The following ST3GAL3 variants were observed in gnomAD, a reference collection of about 807,000 sequenced individuals.
ST3GAL3 encodes the protein ST3 beta-galactoside alpha-2,3-sialyltransferase 3.
In ST3GAL3, 21 loss-of-function variants were observed where a neutral mutation model predicts 50.1. The ratio of observed to expected loss-of-function variants is 0.42; its 90% CI spans 0.30 to 0.60. The LOEUF (loss-of-function observed/expected upper bound fraction) is 0.60, where lower values mean the gene tolerates loss of function less well. Ranked by LOEUF, ST3GAL3 falls within the 20% of genes least tolerant of loss-of-function variation. The pLI is 0.19. For missense variants in ST3GAL3, 353 were observed against 489.4 expected (o/e 0.72, Z 2.63); for synonymous variants, 183 against 190.0 (o/e 0.96, Z 0.30).
At chr1:43,738,492 GT>G (rs932716360) in intron 2 of ST3GAL3, 5 of 142,966 alleles carry the variant, frequency 3.5e-5, no homozygotes, top group Non-Finnish European at 6.2e-5. Flanking sequence ...GGTCCTCTTT[GT>G]TTTTTTTTTG....
intron 2 of ST3GAL3, among the ~76,000 whole-genome samples, chr1:43,765,439 G>A (rs1432302582): frequency 1.3e-5 from 2 of 152,282 alleles, no homozygotes; most frequent in East Asian, 1.9e-4. Context: ...AGGAGGCCAC[G>A]TAGCCCTCAC....
intron 5 of ST3GAL3, chr1:43,851,086 G>T: frequency 1.1e-6 from 1 of 903,596 alleles, no homozygotes; most frequent in Non-Finnish European, 1.9e-6. Flanking sequence ...ATTCTCATCT[G>T]CAGTTTTTCT....
chr1:43,926,491 G>T (rs1244497073), intron 11 of ST3GAL3, among the ~76,000 whole-genome samples: 1 of 151,808 alleles, frequency 6.6e-6, no homozygotes, highest in Non-Finnish European at 1.5e-5. Context: ...CGGGAGGCTG[G>T]GGCAGGAGAA....
chr1:43,838,114 CAAAA>C (rs56058853), intron 4 of ST3GAL3, 101 bp from the exon 5 acceptor site: 30 of 357,778 alleles, frequency 8.4e-5, no homozygotes, highest in Non-Finnish European at 8.3e-5. Context: ...GACTCCGTCT[CAAAA>C]AAAAAAAAAA....
chr1:43,816,212 A>G (rs2061227884), intron 4 of ST3GAL3, among the ~76,000 whole-genome samples: 1 of 152,156 alleles, frequency 6.6e-6, no homozygotes, highest in Non-Finnish European at 1.5e-5. Flanking sequence ...GTTGACTCTG[A>G]TGACGATGGC....
intron 5 of ST3GAL3, among the ~76,000 whole-genome samples, chr1:43,885,252 A>G (rs1253731941): frequency 1.3e-5 from 2 of 152,050 alleles, no homozygotes; most frequent in Non-Finnish European, 2.9e-5. Context: ...TGTGAGAGAC[A>G]CAGGGGTCAG....
chr1:43,885,433 CGCGTGCCGGGGT>C (rs2075818978), intron 5 of ST3GAL3, among the ~76,000 whole-genome samples: 1 of 152,012 alleles, frequency 6.6e-6, no homozygotes, highest in African/African-American at 2.4e-5. Flanking sequence ...GAGGCTGCCT[CGCGTGCCGGGGT>C]GCTGGCGGGG....
intron 2 of ST3GAL3, among the ~76,000 whole-genome samples, chr1:43,789,689 G>A (rs1310501524): frequency 6.6e-6 from 1 of 152,036 alleles, no homozygotes; most frequent in Non-Finnish European, 1.5e-5. Flanking sequence ...TGGGCAATAT[G>A]GCAAGATGCT....
At chr1:43,784,721 C>T (rs2057066462) in intron 2 of ST3GAL3, among the ~76,000 whole-genome samples, 1 of 152,182 alleles carries the variant, frequency 6.6e-6, no homozygotes, top group Non-Finnish European at 1.5e-5. Context: ...TAAGGAGAAA[C>T]TTCTTGACAT....
intron 1 of ST3GAL3, 43 bp from the exon 2 acceptor site, chr1:43,736,190 A>G: frequency 3.9e-6 from 6 of 1,538,518 alleles, no homozygotes; most frequent in Non-Finnish European, 5.4e-6. Flanking sequence ...TATCAATAAG[A>G]TGAGTGCTTT....
intron 1 of ST3GAL3, among the ~76,000 whole-genome samples, chr1:43,720,866 C>T (rs1320935097): frequency 1.3e-5 from 2 of 152,162 alleles, no homozygotes; most frequent in Admixed American, 1.3e-4. Context: ...AAAGTAGAAA[C>T]AACCCAGATG....
chr1:43,841,275 C>A (rs1436461731), intron 5 of ST3GAL3: 1 of 152,246 alleles, frequency 6.6e-6, no homozygotes, highest in African/African-American at 2.4e-5. Context: ...CAGTGGGGAC[C>A]CTGTGTGAAG....
chr1:43,729,843 C>T (rs1674845398), intron 1 of ST3GAL3, among the ~76,000 whole-genome samples: 1 of 152,164 alleles, frequency 6.6e-6, no homozygotes, highest in South Asian at 2.1e-4. Context: ...GTCAGTGTAT[C>T]TTTGGGATAG....
intron 5 of ST3GAL3, among the ~76,000 whole-genome samples, chr1:43,845,702 AT>A (rs1417502436): frequency 1.3e-5 from 2 of 149,956 alleles, no homozygotes; most frequent in Admixed American, 1.3e-4. Context: ...TTAATTTATT[AT>A]TTGTTTTTTT....
intron 5 of ST3GAL3, among the ~76,000 whole-genome samples, chr1:43,892,231 C>G (rs931837351): frequency 1.3e-5 from 2 of 152,188 alleles, no homozygotes; most frequent in South Asian, 2.1e-4. Flanking sequence ...GCACAAGCCA[C>G]TGCGCCCAGC....
At chr1:43,875,962 A>C (rs868376012) in intron 5 of ST3GAL3, among the ~76,000 whole-genome samples, 2,493 of 125,648 alleles carry the variant, frequency 0.02, 37 homozygotes, top group Non-Finnish European at 0.03. Flanking sequence ...TATTATTATT[A>C]TTATTATTAT....
intron 4 of ST3GAL3, among the ~76,000 whole-genome samples, chr1:43,815,436 C>T (rs1205810658): frequency 3.9e-5 from 6 of 152,164 alleles, no homozygotes; most frequent in Non-Finnish European, 7.4e-5. Context: ...TCCTTGCTAG[C>T]CCACTTGGAA....
At chr1:43,845,704 TTG>T (rs1362135815) in intron 5 of ST3GAL3, among the ~76,000 whole-genome samples, 1 of 152,112 alleles carries the variant, frequency 6.6e-6, no homozygotes, top group African/African-American at 2.4e-5. Context: ...AATTTATTAT[TTG>T]TTTTTTTTTC....
At chr1:43,811,286 C>G (rs934213310) in intron 3 of ST3GAL3, among the ~76,000 whole-genome samples, 2 of 152,166 alleles carry the variant, frequency 1.3e-5, no homozygotes, top group Non-Finnish European at 2.9e-5. Context: ...GCTGCTGCCT[C>G]TGACCTCTCC....
Sources: allele counts gnomAD v4.1 joint callset (sites outside exome capture counted in the v4.1 genomes callset), GRCh38; gene constraint gnomAD v4.1.1; transcripts MANE v1.5; gene names NCBI Gene and HGNC (gene_info 2026-07-23, HGNC 2026-07-21).